FHOD3: variants seen among roughly 807,000 people sequenced by gnomAD.
FHOD3 encodes the protein formin homology 2 domain containing 3, also known as FH1/FH2 domain-containing protein 3.
Under a neutral mutation model 173.0 loss-of-function variants are expected in FHOD3, and 90 were observed. The ratio of observed to expected loss-of-function variants is 0.52; its 90% confidence interval spans 0.44 to 0.62. The LOEUF (loss-of-function observed/expected upper bound fraction) is 0.62, where lower values mean the gene tolerates loss of function less well. Among genes scored for constraint, FHOD3 ranks in the 20% least tolerant of loss-of-function variants. The pLI, the probability that FHOD3 is intolerant of heterozygous loss-of-function variation, is 0.00. For missense variants in FHOD3, 1,945 were observed against 2,034.7 expected (o/e 0.96, Z 0.85); for synonymous variants, 828 against 823.0 (o/e 1.01, Z -0.10).
chr18:36,666,082 T>G (rs1246097755), intron 14 of FHOD3, among the ~76,000 whole-genome samples: 1 of 152,254 alleles, frequency 6.6e-6, no homozygotes, highest in East Asian at 1.9e-4. Flanking sequence ...GAGGAATGGC[T>G]TCATGCTCTA....
At chr18:36,353,452 A>C (rs2046224978) in intron 1 of FHOD3, among the ~76,000 whole-genome samples, 1 of 152,220 alleles carries the variant, frequency 6.6e-6, no homozygotes, top group African/African-American at 2.4e-5. Context: ...TAATAGCAAA[A>C]CTTTCCTATC....
chr18:36,463,579 A>G (rs1030785076), intron 3 of FHOD3, among the ~76,000 whole-genome samples: 5 of 151,772 alleles, frequency 3.3e-5, no homozygotes, highest in Non-Finnish European at 7.4e-5. Flanking sequence ...GCTTACTGCA[A>G]CCTCTGTCTC....
chr18:36,716,926 GTGTGTGTGTGTGTGTGTGTGTGTGTGTA>G (rs2040488559), intron 18 of FHOD3, among the ~76,000 whole-genome samples: 1 of 151,034 alleles, frequency 6.6e-6, no homozygotes, highest in Non-Finnish European at 1.5e-5. Flanking sequence ...GTGTGTGTGT[GTGTGTGTGTGTGTGTGTGTGTGTGTGTA>G]TGTGTTAATG....
intron 5 of FHOD3, among the ~76,000 whole-genome samples, chr18:36,517,033 G>A (rs1555737219): frequency 6.6e-6 from 1 of 152,092 alleles, no homozygotes; most frequent in Non-Finnish European, 1.5e-5. Context: ...TTCCTTTGAG[G>A]ATGTGTCTGC....
At chr18:36,319,869 C>G (rs1038119329) in intron 1 of FHOD3, among the ~76,000 whole-genome samples, 1 of 152,136 alleles carries the variant, frequency 6.6e-6, no homozygotes, top group African/African-American at 2.4e-5. Flanking sequence ...AACTGAACAA[C>G]CTACTCCTGA....
At chr18:36,726,322 G>C (rs1332944154) in intron 19 of FHOD3, among the ~76,000 whole-genome samples, 1 of 152,116 alleles carries the variant, frequency 6.6e-6, no homozygotes, top group African/African-American at 2.4e-5. Flanking sequence ...GAAGATACAA[G>C]AGGTTTTTTG....
intron 6 of FHOD3, among the ~76,000 whole-genome samples, chr18:36,579,663 A>T (rs2058774626): frequency 6.6e-6 from 1 of 152,198 alleles, no homozygotes; most frequent in Admixed American, 6.5e-5. Context: ...CTGCCATGTG[A>T]GGGCACAACC....
chr18:36,670,696 G>A (rs900344573), intron 14 of FHOD3, among the ~76,000 whole-genome samples: 1 of 151,956 alleles, frequency 6.6e-6, no homozygotes, highest in Non-Finnish European at 1.5e-5. Context: ...TCTGATTATG[G>A]CTTGTATTTT....
chr18:36,482,897 C>T (rs892239576), intron 3 of FHOD3, among the ~76,000 whole-genome samples: 2 of 130,846 alleles, frequency 1.5e-5, no homozygotes, highest in African/African-American at 3.2e-5. Flanking sequence ...AGAGAGAGAA[C>T]GAGAACATTG....
intron 3 of FHOD3, among the ~76,000 whole-genome samples, chr18:36,470,922 G>A (rs2053246797): frequency 6.6e-6 from 1 of 152,144 alleles, no homozygotes; most frequent in Non-Finnish European, 1.5e-5. Flanking sequence ...GCCTTCCGTG[G>A]GGTCTTTGCT....
intron 3 of FHOD3, among the ~76,000 whole-genome samples, chr18:36,413,245 C>T (rs763007575): frequency 3.9e-5 from 6 of 152,226 alleles, no homozygotes; most frequent in Non-Finnish European, 7.3e-5. Flanking sequence ...GATGTCACAA[C>T]TCCTCAGGGG....
At chr18:36,423,533 A>G (rs889651379) in intron 3 of FHOD3, among the ~76,000 whole-genome samples, 11 of 152,188 alleles carry the variant, frequency 7.2e-5, no homozygotes, top group Non-Finnish European at 1.3e-4. Context: ...CTGCATTGGA[A>G]AACCTCTGCT....
intron 5 of FHOD3, among the ~76,000 whole-genome samples, chr18:36,572,653 C>T (rs1311533974): frequency 6.6e-6 from 1 of 152,144 alleles, no homozygotes. Context: ...AGCTTTTAAA[C>T]CTTAGTTTGC....
chr18:36,411,712 G>A (rs908869210), intron 3 of FHOD3, among the ~76,000 whole-genome samples: 7 of 152,190 alleles, frequency 4.6e-5, no homozygotes, highest in African/African-American at 1.7e-4. Context: ...GAGTGGCCCA[G>A]GAGAATGCTG....
chr18:36,646,370 TAGC>T (rs2035683756), intron 10 of FHOD3, among the ~76,000 whole-genome samples: 1 of 152,170 alleles, frequency 6.6e-6, no homozygotes, highest in Admixed American at 6.5e-5. Context: ...GAAATTAAGA[TAGC>T]AGTAAGATTA....
chr18:36,678,801 A>T (rs899159265), intron 14 of FHOD3, among the ~76,000 whole-genome samples: 6 of 152,056 alleles, frequency 3.9e-5, no homozygotes. Flanking sequence ...TTACCCTTAC[A>T]TTTGTTGGGC....
chr18:36,744,717 G>A (rs1365034340), intron 23 of FHOD3, among the ~76,000 whole-genome samples: 1 of 152,220 alleles, frequency 6.6e-6, no homozygotes, highest in Non-Finnish European at 1.5e-5. Flanking sequence ...GCCCTCAGCT[G>A]CAAGCTCTTA....
At chr18:36,374,259 T>C (rs2047328034) in intron 3 of FHOD3, among the ~76,000 whole-genome samples, 1 of 152,230 alleles carries the variant, frequency 6.6e-6, no homozygotes, top group African/African-American at 2.4e-5. Flanking sequence ...ATGTGATAGA[T>C]GTAAGATGTG....
At chr18:36,745,480 C>G (rs1339738209) in intron 23 of FHOD3, among the ~76,000 whole-genome samples, 1 of 152,204 alleles carries the variant, frequency 6.6e-6, no homozygotes, top group South Asian at 2.1e-4. Flanking sequence ...ACACCAGACA[C>G]GACACTGCGT....
Sources: allele counts gnomAD v4.1 joint callset (sites outside exome capture counted in the v4.1 genomes callset), GRCh38; gene constraint gnomAD v4.1.1; transcripts MANE v1.5; gene names NCBI Gene and HGNC (gene_info 2026-07-23, HGNC 2026-07-21).